Variants in ZC3H8 observed in about 807,000 individuals in gnomAD.
ZC3H8 encodes the protein zinc finger CCCH domain-containing protein 8.
ZC3H8 carries 27 observed loss-of-function variants against 42.5 expected under a neutral mutation model. The ratio of observed to expected loss-of-function variants is 0.64; its 90% confidence interval spans 0.47 to 0.88. The LOEUF is 0.88. Ranked by LOEUF, ZC3H8 falls within the 40% of genes least tolerant of loss-of-function variation. The probability of loss-of-function intolerance (pLI) is 0.00; values close to 1 mark genes in which losing one functional copy is unlikely to be tolerated. For synonymous variants in ZC3H8, 101 were observed against 110.1 expected, an observed-to-expected ratio of 0.92 and a Z score of 0.52; for missense variants, 277 against 336.1, an observed-to-expected ratio of 0.82 and a Z score of 1.37.
chr2:112,238,890 A>G (rs1202057720), intron 2 of ZC3H8, among the ~76,000 whole-genome samples: 1 of 152,232 alleles, frequency 6.6e-6, no homozygotes, highest in East Asian at 1.9e-4. Flanking sequence ...CACACATTAC[A>G]TTTCTGCCTT....
At chr2:112,244,937 C>A (rs1265422441) in intron 2 of ZC3H8, among the ~76,000 whole-genome samples, 1 of 152,074 alleles carries the variant, frequency 6.6e-6, no homozygotes, top group Non-Finnish European at 1.5e-5. Context: ...TCTAAGTGTT[C>A]AAGGGAAAGG....
intron 5 of ZC3H8, among the ~76,000 whole-genome samples, chr2:112,233,663 C>T (rs1205002594): frequency 6.6e-6 from 1 of 152,066 alleles, no homozygotes; most frequent in Non-Finnish European, 1.5e-5. Flanking sequence ...GTCAGGAGAT[C>T]GAGACCATCC....
At chr2:112,228,344 A>C (rs1038373449) in intron 8 of ZC3H8, among the ~76,000 whole-genome samples, 1 of 152,172 alleles carries the variant, frequency 6.6e-6, no homozygotes, top group African/African-American at 2.4e-5. Context: ...TCTACTAAAA[A>C]TAACAAAAAT....
intron 4 of ZC3H8, among the ~76,000 whole-genome samples, chr2:112,236,103 A>C (rs1408258464): frequency 2.6e-5 from 4 of 152,154 alleles, no homozygotes; most frequent in Non-Finnish European, 2.9e-5. Flanking sequence ...GTCTCTACTA[A>C]AAATACAAAA....
intron 2 of ZC3H8, among the ~76,000 whole-genome samples, chr2:112,246,695 G>A (rs1479243572): frequency 2.0e-5 from 3 of 152,238 alleles, no homozygotes; most frequent in African/African-American, 7.2e-5. Flanking sequence ...GGTTTCTTGA[G>A]ATGCAATCTA....
intron 2 of ZC3H8, among the ~76,000 whole-genome samples, chr2:112,239,447 CAT>C (rs1685487375): frequency 6.6e-6 from 1 of 152,142 alleles, no homozygotes; most frequent in African/African-American, 2.4e-5. Context: ...TGTTTCAAAG[CAT>C]ACTTTGGGGC....
chr2:112,250,383 T>C (rs780240278), intron 1 of ZC3H8, 111 bp from the exon 2 acceptor site: 4 of 644,618 alleles, frequency 6.2e-6, no homozygotes, highest in Non-Finnish European at 9.6e-6. Flanking sequence ...CTCAAAGAAA[T>C]TACAAATTCA....
chr2:112,223,412 T>TA (rs1166195132), intron 8 of ZC3H8, among the ~76,000 whole-genome samples: 42 of 151,884 alleles, frequency 2.8e-4, no homozygotes, highest in African/African-American at 9.2e-4. Flanking sequence ...ATAAAGCCAT[T>TA]AAAAAAAAGA....
At chr2:112,235,594 T>C (rs1232734587) in intron 4 of ZC3H8, among the ~76,000 whole-genome samples, 1 of 152,138 alleles carries the variant, frequency 6.6e-6, no homozygotes, top group Non-Finnish European at 1.5e-5. Context: ...CCCCTTACCC[T>C]TGTCCCATAT....
Position 112,231,955 on chromosome 2 carries a change from A to C in ZC3H8, c.734-8T>G, listed in dbSNP as rs760134954. Reference sequence around the variant, plus strand: ...ACTTACAAGGATATTCATGTAACCCAAGTGTTAAGGAAGAGAACAATTTTA... The same window carrying C: ...ACTTACAAGGATATTCATGTAACCCCAGTGTTAAGGAAGAGAACAATTTTA... On this transcript the variant is annotated splice_region_variant and splice_polypyrimidine_tract_variant and intron_variant, in intron 6 of 8. Transcript: ENST00000409573. 21 of 1,447,036 alleles carry C rather than the reference A, an allele frequency of 1.5e-5. 1 individual carries two copies. The African/African-American group carries it at 2.8e-4, about 19-fold the overall frequency. The allele number at this position is 1,447,036 out of a possible 1,614,324, so 89.6% of individuals were successfully genotyped here. A position where few individuals can be genotyped will look rare whatever the true frequency, so the allele number is the denominator to read the frequency against.
chr2:112,223,759 A>T (rs1684696841), intron 8 of ZC3H8, among the ~76,000 whole-genome samples: 1 of 152,234 alleles, frequency 6.6e-6, no homozygotes, highest in Admixed American at 6.5e-5. Flanking sequence ...AGAATTAAAG[A>T]AAGCAAAGTT....
At position 112,236,583 on chromosome 2, in the gene ZC3H8, C is replaced by T; in HGVS notation, c.483G>A (p.Arg161=). The T allele has an allele frequency of 6.2e-7, 1 of 1,613,806 alleles. No individual in the cohort carries two copies. Among genetic ancestry groups the T allele is most frequent in the South Asian group, 1.1e-5 (1 of 91,014 alleles). ...ATACCTCTTCCTGTGAGCCGCTGTT[C>T]CTCAGCAAAGCATTTGATCCTTTGT... ...PGNKGSNALL[R]NSGSQEEDGK... Residue 161 remains arginine, a synonymous_variant, in exon 4 of 9, where the codon AGG becomes AGA. Transcript: ENST00000409573.
intron 5 of ZC3H8, among the ~76,000 whole-genome samples, chr2:112,233,587 T>A (rs536988244): frequency 3.3e-5 from 5 of 152,288 alleles, no homozygotes; most frequent in African/African-American, 1.2e-4. Context: ...AAGCATTTTT[T>A]AAAATTATCA....
At chr2:112,241,628 T>G (rs996076681) in intron 2 of ZC3H8, among the ~76,000 whole-genome samples, 7 of 152,226 alleles carry the variant, frequency 4.6e-5, no homozygotes, top group African/African-American at 1.7e-4. Context: ...AAACAAAATA[T>G]AGCAGTATCA....
intron 2 of ZC3H8, among the ~76,000 whole-genome samples, chr2:112,243,317 T>C (rs1685646549): frequency 6.6e-6 from 1 of 152,234 alleles, no homozygotes; most frequent in Non-Finnish European, 1.5e-5. Flanking sequence ...TCATCTGCAA[T>C]GTAGTAACAT....
rs1303325099 is a variant in ZC3H8 at position 112,215,033 on chromosome 2, TA to T, written c.*1450del. ...GGTACTGCCTCAGAAATATAACAAT[TA>T]TTTTTTTCCTTATATATAAACTTTA... On this transcript the variant is annotated 3_prime_UTR_variant, in exon 9 of 9. Transcript: ENST00000409573. 1 of 152,122 alleles carries T rather than the reference TA, an allele frequency of 6.6e-6. No homozygotes were observed. Among genetic ancestry groups the T allele is most frequent in the Non-Finnish European group, 1.5e-5 (1 of 68,030 alleles). 9.4% of individuals were successfully genotyped at this position (152,122 alleles called of 1,614,324 possible).
At chr2:112,245,612 C>G (rs138964265) in intron 2 of ZC3H8, among the ~76,000 whole-genome samples, 6 of 152,284 alleles carry the variant, frequency 3.9e-5, no homozygotes, top group Admixed American at 3.9e-4. Context: ...CAAGGTAATG[C>G]CAATGCACTC....
chr2:112,219,570 T>C (rs530093855), intron 8 of ZC3H8, among the ~76,000 whole-genome samples: 3 of 152,290 alleles, frequency 2.0e-5, no homozygotes, highest in African/African-American at 4.8e-5. Flanking sequence ...TTCCATGTAA[T>C]TGTATAGTTT....
chr2:112,248,577 G>C (rs921511189), intron 2 of ZC3H8, among the ~76,000 whole-genome samples: 1 of 151,814 alleles, frequency 6.6e-6, no homozygotes, highest in African/African-American at 2.4e-5. Flanking sequence ...CGCAACCTCT[G>C]CCTCCCGGGT....
Sources: gnomAD v4.1 joint callset for allele counts (sites outside exome capture counted in the v4.1 genomes callset) on GRCh38, gnomAD v4.1.1 for gene constraint, MANE v1.5 for transcripts, NCBI Gene and HGNC (gene_info 2026-07-23, HGNC 2026-07-21) for gene names.